Variants in ANKRD36 observed in about 807,000 individuals in gnomAD.
ANKRD36 encodes the protein ankyrin repeat domain 36.
Under a neutral mutation model 278.1 loss-of-function variants are expected in ANKRD36, and 179 were observed. The ratio of observed to expected loss-of-function variants is 0.64; its 90% confidence interval spans 0.57 to 0.73. The LOEUF (loss-of-function observed/expected upper bound fraction) is 0.73. Among genes scored for constraint, ANKRD36 ranks in the 30% least tolerant of loss-of-function variants. ANKRD36 has a pLI of 0.00. For synonymous variants in ANKRD36, 320 were observed against 641.1 expected (o/e 0.50, Z 7.57); for missense variants, 1,159 against 1,956.7 (o/e 0.59, Z 7.69).
At chr2:97,129,674 T>G (rs1419197554) in intron 6 of ANKRD36, among the ~76,000 whole-genome samples, 1 of 152,110 alleles carries the variant, frequency 6.6e-6, no homozygotes, top group Non-Finnish European at 1.5e-5. Flanking sequence ...GGATCCAGTT[T>G]CAGCTTTCTA....
intron 6 of ANKRD36, among the ~76,000 whole-genome samples, chr2:97,138,552 A>G (rs2042102750): frequency 6.6e-6 from 1 of 152,080 alleles, no homozygotes; most frequent in Non-Finnish European, 1.5e-5. Context: ...TCAAACTATC[A>G]TTGACTTTCT....
intron 36 of ANKRD36, 140 bp from the exon 37 acceptor site, chr2:97,192,717 TC>T (rs1021743873): frequency 4.9e-6 from 6 of 1,221,728 alleles, no homozygotes; most frequent in Non-Finnish European, 2.3e-6. Flanking sequence ...CACGTTCTAG[TC>T]CCCAGACTAA....
At position 97,215,672 on chromosome 2, in the gene ANKRD36, A is replaced by G. The variant is rs1054761182; in HGVS notation, c.3673+175A>G. The G allele has an allele frequency of 9.2e-6, 14 of 1,523,628 alleles. No homozygotes were observed. The African/African-American group carries it at 1.4e-4, about 15-fold the overall frequency. The allele number at this position is 1,523,628 out of a possible 1,614,324, so 94.4% of individuals were successfully genotyped here. On this transcript the variant is annotated intron_variant, in intron 62 of 75. Coordinates refer to ENST00000420699, the MANE Select transcript of ANKRD36 (RefSeq NM_001354587.1). Reference sequence around the variant, plus strand: ...CTGATGGTGCTGGTCCTTGACCATGATCTGAGTAGTAAGATTGTAGACTTC... The same window carrying G: ...CTGATGGTGCTGGTCCTTGACCATGGTCTGAGTAGTAAGATTGTAGACTTC...
At chr2:97,217,936 A>C (rs1259649016) in intron 64 of ANKRD36, among the ~76,000 whole-genome samples, 1 of 151,890 alleles carries the variant, frequency 6.6e-6, no homozygotes, top group African/African-American at 2.4e-5. Context: ...CTTCAGATGC[A>C]TTTTGAATAT....
intron 67 of ANKRD36, among the ~76,000 whole-genome samples, chr2:97,225,732 G>A (rs551652034): frequency 2.2e-4 from 34 of 151,582 alleles, no homozygotes; most frequent in South Asian, 6.4e-4. Flanking sequence ...CCATTAACTC[G>A]TCATTTAGCA....
intron 1 of ANKRD36, among the ~76,000 whole-genome samples, chr2:97,116,033 A>G (rs2035228039): frequency 6.6e-6 from 1 of 151,914 alleles, no homozygotes; most frequent in South Asian, 2.1e-4. Context: ...TTGATTATAC[A>G]TACACACAAA....
chr2:97,156,204 A>C lies in ANKRD36; in HGVS notation c.1260+1463A>C, dbSNP rs565843375. Among the ~76,000 whole-genome samples the C allele has an allele frequency of 1.3e-4, 19 of 146,770 alleles. 1 individual carries two copies. The highest frequency in any genetic ancestry group is 4.2e-4 in the South Asian group (2 of 4,714). On this transcript the variant is annotated intron_variant, in intron 15 of 75. Coordinates refer to ENST00000420699, the MANE Select transcript of ANKRD36 (RefSeq NM_001354587.1). ...ATGTTCTATTAAATACATATTTTTCAGGACATACATTACTCTTTTTTTTTT... is the reference window on the plus strand; with the variant it reads ...ATGTTCTATTAAATACATATTTTTCCGGACATACATTACTCTTTTTTTTTT...
At chr2:97,230,124 G>T (rs1176197949) in intron 67 of ANKRD36, among the ~76,000 whole-genome samples, 1 of 152,054 alleles carries the variant, frequency 6.6e-6, no homozygotes, top group Non-Finnish European at 1.5e-5. Flanking sequence ...TCTTGGAGTT[G>T]CTCTTCTCAA....
Position 97,113,802 on chromosome 2 carries a change from C to T in ANKRD36, c.63C>T (p.Phe21=), listed in dbSNP as rs2034254219. 3 of 1,612,962 alleles carry T rather than the reference C, an allele frequency of 1.9e-6. No homozygotes were observed. The highest frequency in any genetic ancestry group is 2.5e-6 in the Non-Finnish European group (3 of 1,179,976). Residue 21 remains phenylalanine (F), a synonymous_variant, in exon 1 of 76, where the codon TTC becomes TTT. Transcript: ENST00000420699. ...TLMERLCSDG[F]AFPQYPIKPY... ...TGGAGCGCTTGTGCTCGGATGGCTT[C>T]GCATTTCCCCAATACCCCATTAAAC...
intron 24 of ANKRD36, among the ~76,000 whole-genome samples, 167 bp from the exon 25 acceptor site, chr2:97,181,431 T>C (rs567904341): frequency 6.6e-6 from 1 of 151,594 alleles, no homozygotes; most frequent in African/African-American, 2.4e-5. Context: ...TTCCTTTTTT[T>C]TCAGTGTATT....
chr2:97,228,985 C>T (rs1278598964), intron 67 of ANKRD36, among the ~76,000 whole-genome samples: 5 of 152,142 alleles, frequency 3.3e-5, no homozygotes, highest in Non-Finnish European at 7.3e-5. Flanking sequence ...AGTTTGATTG[C>T]ACTGTGGTCT....
chr2:97,243,249 T>C (rs1362946621), intron 69 of ANKRD36, among the ~76,000 whole-genome samples: 3 of 146,954 alleles, frequency 2.0e-5, no homozygotes, highest in Non-Finnish European at 3.1e-5. Context: ...AAGAAATACA[T>C]TGGTTTGGTT....
chr2:97,207,597 T>C (rs2063216184), intron 52 of ANKRD36, among the ~76,000 whole-genome samples: 1 of 151,542 alleles, frequency 6.6e-6, no homozygotes. Flanking sequence ...AATCATACCA[T>C]GTTTGAAATT....
intron 67 of ANKRD36, among the ~76,000 whole-genome samples, chr2:97,231,788 A>G (rs1249070014): frequency 6.6e-6 from 1 of 152,116 alleles, no homozygotes; most frequent in Admixed American, 6.5e-5. Flanking sequence ...CTGCCAGACA[A>G]AGAATTTGCT....
At position 97,151,899 on chromosome 2, in the gene ANKRD36, C is replaced by A. The variant is rs1445689317; in HGVS notation, c.1122C>A (p.Ile374=). Residue 374 remains isoleucine (I), a synonymous_variant, in exon 13 of 76, where the codon ATC becomes ATA. Coordinates refer to ENST00000420699, the MANE Select transcript of ANKRD36 (RefSeq NM_001354587.1). ...TCTAGATTATTTCAAAACTATACATCCCAAAGAGAAAGATTATTTCTCCAC... is the reference window on the plus strand; with the variant it reads ...TCTAGATTATTTCAAAACTATACATACCAAAGAGAAAGATTATTTCTCCAC... ...LESEIISKLY[I]PKRKIISPRS... 2.2e-5 allele frequency: 32 copies of A among 1,449,858 alleles called. 1 individual carries two copies. Among genetic ancestry groups the A allele is most frequent in the Non-Finnish European group, 2.9e-5 (31 of 1,069,998 alleles). 89.8% of individuals were successfully genotyped at this position (1,449,858 alleles called of 1,614,324 possible).
intron 48 of ANKRD36, 133 bp from the exon 49 acceptor site, chr2:97,203,935 C>A (rs1365186863): frequency 1.4e-6 from 2 of 1,402,708 alleles, no homozygotes; most frequent in African/African-American, 3.0e-5. Context: ...AATCCCCAGA[C>A]CAAAATTAGA....
chr2:97,231,129 G>C (rs1362031190), intron 67 of ANKRD36, among the ~76,000 whole-genome samples: 1 of 152,114 alleles, frequency 6.6e-6, no homozygotes, highest in Admixed American at 6.5e-5. Flanking sequence ...CCCATTCTCA[G>C]ATCTCCAGCT....
chr2:97,197,335 C>A (rs2060057106), intron 42 of ANKRD36, among the ~76,000 whole-genome samples: 2 of 151,906 alleles, frequency 1.3e-5, no homozygotes, highest in East Asian at 1.9e-4. Context: ...ACTTCAGATG[C>A]ATTTGGAATA....
intron 52 of ANKRD36, among the ~76,000 whole-genome samples, chr2:97,206,842 G>C (rs982353703): frequency 6.6e-6 from 1 of 151,440 alleles, no homozygotes; most frequent in Non-Finnish European, 1.5e-5. Flanking sequence ...TTTAGGTATA[G>C]AAATCAGACA....
Sources: gnomAD v4.1 joint callset for allele counts (sites outside exome capture counted in the v4.1 genomes callset) on GRCh38, gnomAD v4.1.1 for gene constraint, MANE v1.5 for transcripts, NCBI Gene and HGNC (gene_info 2026-07-23, HGNC 2026-07-21) for gene names.